Variants in HK2 observed in about 807,000 individuals in gnomAD.
HK2 encodes the protein hexokinase 2, also known as hexokinase-2.
Under a neutral mutation model 92.9 loss-of-function variants are expected in HK2, and 42 were observed. The observed-to-expected ratio is 0.45, with a 90% CI of 0.35 to 0.58. The LOEUF (loss-of-function observed/expected upper bound fraction) is 0.58. Among genes scored for constraint, HK2 ranks in the 20% least tolerant of loss-of-function variants. The pLI is 0.00. For missense variants in HK2, 978 were observed against 1,245.1 expected (o/e 0.79, Z 3.23); for synonymous variants, 422 against 468.0 (o/e 0.90, Z 1.27).
At chr2:74,849,099 T>C (rs1688508483) in intron 1 of HK2, among the ~76,000 whole-genome samples, 1 of 152,236 alleles carries the variant, frequency 6.6e-6, no homozygotes, top group Non-Finnish European at 1.5e-5. Context: ...CTCCATTTGT[T>C]GCTTTGTGAC....
intron 1 of HK2, among the ~76,000 whole-genome samples, chr2:74,847,285 A>G (rs562404093): frequency 6.6e-5 from 10 of 152,170 alleles, no homozygotes; most frequent in African/African-American, 2.4e-4. Flanking sequence ...TGTATTATGT[A>G]TTTTCTGCTT....
At chr2:74,854,796 G>A (rs551775683) in intron 2 of HK2, among the ~76,000 whole-genome samples, 31 of 152,278 alleles carry the variant, frequency 2.0e-4, no homozygotes, top group African/African-American at 5.3e-4. Flanking sequence ...TACAACAAAC[G>A]TACCTCACGT....
intron 2 of HK2, among the ~76,000 whole-genome samples, chr2:74,866,616 G>C (rs964489711): frequency 5.9e-5 from 9 of 152,194 alleles, no homozygotes; most frequent in African/African-American, 2.2e-4. Flanking sequence ...TTCCTGGAGG[G>C]TAGGAACTGC....
intron 17 of HK2, 49 bp from the exon 18 acceptor site, chr2:74,890,748 A>T: frequency 6.2e-7 from 1 of 1,610,602 alleles, no homozygotes; most frequent in Non-Finnish European, 8.5e-7. Flanking sequence ...AATACAAACC[A>T]ATCATGACTA....
chr2:74,873,529 G>A (rs566033653), intron 5 of HK2, among the ~76,000 whole-genome samples, 158 bp downstream of exon 5: 1 of 152,296 alleles, frequency 6.6e-6, no homozygotes, highest in Non-Finnish European at 1.5e-5. Context: ...TATGCGATCT[G>A]CTGCTTTGGG....
chr2:74,884,822 C>T lies in HK2; in HGVS notation c.1840-672C>T, dbSNP rs148350110. The stretch of plus-strand genomic sequence containing the variant: ...AAAGCATTTCTCCCAGGTTCAAAGC[C>T]GTCAAGCATCTGCTCCCAGAGGACC... On this transcript the variant is annotated intron_variant, in intron 12 of 17. Coordinates refer to ENST00000290573, the MANE Select transcript of HK2 (RefSeq NM_000189.5). 1.1e-3 allele frequency among the ~76,000 whole-genome samples: 174 copies of T among 152,282 alleles called. 2 individuals are homozygous for T. Among genetic ancestry groups the T allele is most frequent in the African/African-American group, 3.9e-3 (164 of 41,550 alleles).
intron 2 of HK2, among the ~76,000 whole-genome samples, chr2:74,861,147 G>C (rs1558794727): frequency 6.6e-6 from 1 of 152,162 alleles, no homozygotes; most frequent in Non-Finnish European, 1.5e-5. Flanking sequence ...GAATGCAGGG[G>C]TCGGGCACGG....
At position 74,886,532 on chromosome 2, in the gene HK2, TG is replaced by T. The variant is rs748408377; in HGVS notation, c.2080del (p.Glu694AsnfsTer12). ...NACYMEEMRN[V>X]ELVEGEEGRM... ...TGCTACATGGAGGAGATGCGCAACGTGGAACTGGTGGAAGGAGAAGAGGGGC... is the reference window on the plus strand; with the variant it reads ...TGCTACATGGAGGAGATGCGCAACGTGAACTGGTGGAAGGAGAAGAGGGGC... On this transcript the variant is annotated frameshift_variant, in exon 15 of 18. Transcript: ENST00000290573. LOFTEE classifies it high-confidence loss of function. 1 of 1,613,710 alleles carries T rather than the reference TG, an allele frequency of 6.2e-7. No homozygotes were observed. Among genetic ancestry groups the T allele is most frequent in the Non-Finnish European group, 8.5e-7 (1 of 1,179,900 alleles).
chr2:74,867,524 C>A, intron 2 of HK2, 112 bp from the exon 3 acceptor site: 1 of 1,123,478 alleles, frequency 8.9e-7, no homozygotes, highest in Non-Finnish European at 1.4e-6. Flanking sequence ...GTGAATCCCA[C>A]TGGCCGCCCC....
intron 12 of HK2, among the ~76,000 whole-genome samples, chr2:74,884,458 C>T (rs982802443): frequency 4.6e-5 from 7 of 152,208 alleles, no homozygotes; most frequent in East Asian, 1.9e-4. Context: ...TTGAACATCC[C>T]GTAAACACAA....
At chr2:74,837,059 G>A (rs964515302) in intron 1 of HK2, among the ~76,000 whole-genome samples, 2 of 152,164 alleles carry the variant, frequency 1.3e-5, no homozygotes, top group Admixed American at 1.3e-4. Flanking sequence ...ACTCAGGAGC[G>A]ACTGCAGAGC....
intron 12 of HK2, 46 bp downstream of exon 12, chr2:74,882,285 C>T (rs764450061): frequency 1.2e-6 from 2 of 1,612,504 alleles, no homozygotes; most frequent in Non-Finnish European, 1.7e-6. Flanking sequence ...TTTATTGACT[C>T]TAAACAAAAC....
At chr2:74,873,124 T>C (rs2103958430) in intron 4 of HK2, 152 bp from the exon 5 acceptor site, 2 of 712,266 alleles carry the variant, frequency 2.8e-6, no homozygotes, top group Middle Eastern at 3.9e-4. Flanking sequence ...CCTGAGTTTC[T>C]TTTTCCTAGG....
intron 1 of HK2, among the ~76,000 whole-genome samples, chr2:74,848,160 G>T (rs1174189614): frequency 1.3e-5 from 2 of 152,100 alleles, no homozygotes; most frequent in African/African-American, 4.8e-5. Context: ...CCCTTTGATT[G>T]CCAGTCTCTC....
At chr2:74,839,677 G>C (rs1299287525) in intron 1 of HK2, among the ~76,000 whole-genome samples, 2 of 124,382 alleles carry the variant, frequency 1.6e-5, no homozygotes, top group African/African-American at 6.0e-5. Flanking sequence ...TTTTTTTTGT[G>C]AGACAGAGTT....
At chr2:74,865,743 C>A (rs1688930477) in intron 2 of HK2, among the ~76,000 whole-genome samples, 1 of 152,060 alleles carries the variant, frequency 6.6e-6, no homozygotes, top group South Asian at 2.1e-4. Context: ...GTCACTGGAG[C>A]CAATTCCAGT....
At chr2:74,879,825 A>C in intron 9 of HK2, among the ~76,000 whole-genome samples, 1 of 152,164 alleles carries the variant, frequency 6.6e-6, no homozygotes, top group Non-Finnish European at 1.5e-5. Flanking sequence ...CTAGCTTTTA[A>C]TTTTGGGTCT....
chr2:74,840,986 C>T (rs6752205), intron 1 of HK2, among the ~76,000 whole-genome samples: 22,223 of 151,558 alleles, frequency 0.15, 1,962 homozygotes, highest in African/African-American at 0.24. Context: ...GGATCACACA[C>T]CATGCTTCCT....
rs950775746 is a variant in HK2 at position 74,867,583 on chromosome 2, G to T, written c.227-53G>T. 8.7e-6 allele frequency: 14 copies of T among 1,609,060 alleles called. No homozygotes were observed. The South Asian group carries it at 1.4e-4, about 16-fold the overall frequency. On this transcript the variant is annotated intron_variant, in intron 2 of 17. Transcript: ENST00000290573. ...GACTTGGAGTTTTAAGTCTCGGTTGGTTCCTGGAAGAATTTTGCCCAAAAT... is the reference window on the plus strand; with the variant it reads ...GACTTGGAGTTTTAAGTCTCGGTTGTTTCCTGGAAGAATTTTGCCCAAAAT...
Sources: gnomAD v4.1 joint callset for allele counts (sites outside exome capture counted in the v4.1 genomes callset) on GRCh38, gnomAD v4.1.1 for gene constraint, MANE v1.5 for transcripts, NCBI Gene and HGNC (gene_info 2026-07-23, HGNC 2026-07-21) for gene names.